The following VPS53 variants were observed in gnomAD, a reference collection of about 807,000 sequenced individuals.
The protein encoded by VPS53 is vacuolar protein sorting-associated protein 53 homolog.
A neutral mutation model predicts 107.0 loss-of-function variants in VPS53; 70 were observed. The ratio of observed to expected loss-of-function variants is 0.65; its 90% CI spans 0.54 to 0.80. VPS53 has a LOEUF of 0.80. VPS53 is among the 30% of genes least tolerant of loss of function. The pLI is 0.00. For synonymous variants in VPS53, 409 were observed against 393.3 expected (o/e 1.04, Z -0.47); for missense variants, 917 against 1,049.4 (o/e 0.87, Z 1.74).
chr17:714,472 G>T, intron 1 of VPS53, 151 bp downstream of exon 1: 2 of 670,906 alleles, frequency 3.0e-6, no homozygotes, highest in Non-Finnish European at 2.5e-6. Flanking sequence ...TTCAGAAACC[G>T]CTTCTCACCC....
intron 18 of VPS53, 167 bp downstream of exon 18, chr17:536,861 T>G: frequency 1.3e-6 from 1 of 765,748 alleles, no homozygotes; most frequent in Non-Finnish European, 2.0e-6. Context: ...CCACTTTGTG[T>G]GTGGGGAGGT....
chr17:614,135 C>T (rs746171395), intron 11 of VPS53, among the ~76,000 whole-genome samples: 2 of 152,172 alleles, frequency 1.3e-5, no homozygotes, highest in African/African-American at 4.8e-5. Context: ...AAAGTCCTGC[C>T]TGCTAAGGAG....
chr17:562,498 C>T lies in VPS53; in HGVS notation c.1556+5G>A, dbSNP rs587777466. Reference sequence around the variant, plus strand: ...ACCACTCAGACTATGAAGAACAGGACTCACTTGGGCAGGTTGCCAGAGAGG... The same window carrying T: ...ACCACTCAGACTATGAAGAACAGGATTCACTTGGGCAGGTTGCCAGAGAGG... On this transcript the variant is annotated splice_donor_5th_base_variant and intron_variant, in intron 14 of 21. Transcript: ENST00000437048. 2.5e-6 allele frequency: 4 copies of T among 1,613,846 alleles called. No homozygotes were observed. Among genetic ancestry groups the T allele is most frequent in the Non-Finnish European group, 8.5e-7 (1 of 1,179,992 alleles).
At chr17:633,707 G>A (rs564370111) in intron 7 of VPS53, among the ~76,000 whole-genome samples, 2 of 152,276 alleles carry the variant, frequency 1.3e-5, no homozygotes, top group South Asian at 2.1e-4. Flanking sequence ...ATCCAGACGA[G>A]GCTATTACTG....
rs200952316 is a variant in VPS53, at chr17:612,687, TCA to T, written c.1117-10793_1117-10792del. On this transcript the variant is annotated intron_variant, in intron 11 of 21. Coordinates refer to ENST00000437048, the MANE Select transcript of VPS53 (RefSeq NM_001128159.3). Reference sequence around the variant, plus strand: ...TCACAGCAGTATTCAAATAGTGAATTCACACAGTGAAAACCTGTACAAATATT... The same window carrying T: ...TCACAGCAGTATTCAAATAGTGAATTCACAGTGAAAACCTGTACAAATATT... Among the ~76,000 whole-genome samples the T allele has an allele frequency of 1.8e-3, 264 of 144,908 alleles. 10 individuals are homozygous for T. In the East Asian group the frequency reaches 0.05, roughly 27 times the overall value.
chr17:644,598 TC>T (rs1970604660), intron 7 of VPS53, among the ~76,000 whole-genome samples: 1 of 122,644 alleles, frequency 8.2e-6, no homozygotes, highest in South Asian at 3.0e-4. Flanking sequence ...TTTTTTTTTT[TC>T]CCCCGAGACG....
In VPS53 at chr17:597,665, C is replaced by T. The variant is rs1968039658; in HGVS notation, c.1218+4130G>A. ...TCACACGATTCTCCTGCCTCAGCCT[C>T]CTGAGTAGCTGGGATTACAGGCATG... On this transcript the variant is annotated intron_variant, in intron 12 of 21. Transcript: ENST00000437048. Among the ~76,000 whole-genome samples the T allele has an allele frequency of 1.3e-5, 2 of 152,050 alleles. 1 individual carries two copies. The highest frequency in any genetic ancestry group is 4.2e-4 in the South Asian group (2 of 4,810).
chr17:560,824 T>C (rs150170406), intron 14 of VPS53, among the ~76,000 whole-genome samples: 27 of 152,330 alleles, frequency 1.8e-4, no homozygotes, highest in Admixed American at 4.6e-4. Flanking sequence ...GATGGTCTAA[T>C]ATCCAAAGGG....
chr17:697,384 G>A (rs1973011265), intron 4 of VPS53, 34 bp downstream of exon 4: 2 of 1,582,196 alleles, frequency 1.3e-6, no homozygotes, highest in Non-Finnish European at 1.7e-6. Context: ...GAAACCAGGG[G>A]AGCATAGGTA....
In VPS53 at chr17:714,666, G is replaced by A; in HGVS notation, c.44C>T (p.Ala15Val). 1.2e-6 allele frequency: 2 copies of A among 1,612,814 alleles called. No homozygotes were observed. Among genetic ancestry groups the A allele is most frequent in the East Asian group, 2.2e-5 (1 of 44,790 alleles). The part of the protein sequence containing the change: ...EELEFVEELE[A>V]VLQLTPEVQL... ...CACCTCGGGCGTGAGCTGCAGCACG[G>A]CTTCCAGCTCCTCCACGAACTCCAG... The change falls in exon 1 of 22, where the codon GCC (alanine) becomes GTC (valine). Residue 15 changes from alanine (A) to valine (V), a missense_variant. By Grantham distance (64) the Ala-to-Val change is moderately conservative. Transcript: ENST00000437048.
chr17:528,818 C>A (rs772964178), intron 19 of VPS53, among the ~76,000 whole-genome samples: 1 of 152,008 alleles, frequency 6.6e-6, no homozygotes, highest in Admixed American at 6.6e-5. Context: ...AGGCTGGTCT[C>A]GAACTCCTGA....
At chr17:626,866 C>T (rs974572893) in intron 10 of VPS53, among the ~76,000 whole-genome samples, 2 of 152,076 alleles carry the variant, frequency 1.3e-5, no homozygotes, top group Non-Finnish European at 2.9e-5. Context: ...CTGATACATG[C>T]GATACCGACT....
chr17:574,758 G>A (rs896137453), intron 13 of VPS53, among the ~76,000 whole-genome samples: 18 of 152,052 alleles, frequency 1.2e-4, no homozygotes, highest in African/African-American at 3.1e-4. Context: ...CTGAGACCCC[G>A]TCTCAAAAAT....
intron 17 of VPS53, among the ~76,000 whole-genome samples, chr17:542,110 C>T (rs1410004686): frequency 2.0e-5 from 3 of 151,882 alleles, no homozygotes; most frequent in Admixed American, 6.6e-5. Context: ...ACGCACTGGG[C>T]GCTGAAGGAA....
At chr17:594,424 G>A (rs9914070) in intron 12 of VPS53, among the ~76,000 whole-genome samples, 7,957 of 152,250 alleles carry the variant, frequency 0.052, 664 homozygotes, top group African/African-American at 0.18. Context: ...TAGGGGTGTG[G>A]ATCAATTTCC....
At chr17:636,908 G>A (rs1039605641) in intron 7 of VPS53, among the ~76,000 whole-genome samples, 1 of 152,156 alleles carries the variant, frequency 6.6e-6, no homozygotes, top group African/African-American at 2.4e-5. Flanking sequence ...CCAGGCTTTG[G>A]TATCAGGATG....
intron 4 of VPS53, among the ~76,000 whole-genome samples, chr17:665,020 T>C (rs1971622268): frequency 6.6e-6 from 1 of 152,122 alleles, no homozygotes; most frequent in South Asian, 2.1e-4. Context: ...CGGGTGCCTG[T>C]GCTATGGCTG....
At position 510,880 on chromosome 17, in the gene VPS53, G is replaced by A. The variant is rs1276314854; in HGVS notation, c.*8248C>T. 1 of 152,540 alleles carries A rather than the reference G, an allele frequency of 6.6e-6. No homozygotes were observed. The highest frequency in any genetic ancestry group is 2.4e-5 in the African/African-American group (1 of 41,450). The allele number at this position is 152,540 out of a possible 1,614,324, so 9.4% of individuals were successfully genotyped here. On this transcript the variant is annotated 3_prime_UTR_variant, in exon 22 of 22. Coordinates refer to ENST00000437048, the MANE Select transcript of VPS53 (RefSeq NM_001128159.3). ...CTGATCCAAAGCTCTGGATCCTTTA[G>A]GGCTGTGCAAAGATGTGACAGGCAT...
chr17:633,558 GT>G (rs374524691), intron 7 of VPS53, among the ~76,000 whole-genome samples: 4 of 152,124 alleles, frequency 2.6e-5, no homozygotes, highest in African/African-American at 9.7e-5. Context: ...AAAACAATCT[GT>G]TTTTTCCGTG....
Sources: gnomAD v4.1 joint callset for allele counts (sites outside exome capture counted in the v4.1 genomes callset) on GRCh38, gnomAD v4.1.1 for gene constraint, MANE v1.5 for transcripts, NCBI Gene and HGNC (gene_info 2026-07-23, HGNC 2026-07-21) for gene names.